RTN1: variants seen among roughly 807,000 people sequenced by gnomAD.
RTN1 encodes the protein reticulon 1, also known as reticulon-1.
RTN1 carries 25 observed loss-of-function variants against 65.5 expected under a neutral mutation model. The ratio of observed to expected loss-of-function variants is 0.38; its 90% confidence interval spans 0.28 to 0.53. The LOEUF (loss-of-function observed/expected upper bound fraction) is 0.53, where lower values mean the gene tolerates loss of function less well. Among genes scored for constraint, RTN1 ranks in the 20% least tolerant of loss-of-function variants. The probability of loss-of-function intolerance (pLI) is 0.79; values close to 1 mark genes in which losing one functional copy is unlikely to be tolerated. For missense variants in RTN1, 983 were observed against 1,025.4 expected, an observed-to-expected ratio of 0.96 and a Z score of 0.57; for synonymous variants, 471 against 447.6, an observed-to-expected ratio of 1.05 and a Z score of -0.66.
intron 1 of RTN1, among the ~76,000 whole-genome samples, chr14:59,820,356 G>GTTTTTTTTTTTT (rs34274539): frequency 1.5e-4 from 12 of 79,326 alleles, no homozygotes; most frequent in East Asian, 4.6e-4. Flanking sequence ...CTTATTGATA[G>GTTTTTTTTTTTT]TTTTTTTTTT....
At chr14:59,759,624 G>T (rs1885708082) in intron 1 of RTN1, among the ~76,000 whole-genome samples, 1 of 150,814 alleles carries the variant, frequency 6.6e-6, no homozygotes, top group Non-Finnish European at 1.5e-5. Flanking sequence ...CAAATAATTA[G>T]AAAACAATAC....
Position 59,816,522 on chromosome 14 carries a change from A to G in RTN1, c.241+53868T>C, listed in dbSNP as rs1435677228. ...AGGAGGCTTAATAAATATTTATTGC[A>G]CATAGAAATGAGTTTTGAGATGGAG... On this transcript the variant is annotated intron_variant, in intron 1 of 8. Transcript: ENST00000267484. This position sits in a 1 kb window ranked among gnomAD's most constrained non-coding sequence, Gnocchi z 4.3. 6.6e-6 allele frequency among the ~76,000 whole-genome samples: 1 copy of G among 152,222 alleles called. No individual in the cohort carries two copies. Among genetic ancestry groups the G allele is most frequent in the Non-Finnish European group, 1.5e-5 (1 of 68,036 alleles).
chr14:59,673,372 C>T (rs563229613), intron 3 of RTN1, among the ~76,000 whole-genome samples: 19 of 152,258 alleles, frequency 1.2e-4, no homozygotes, highest in South Asian at 2.1e-4. Flanking sequence ...TAGGCAAATG[C>T]GGGTGTGTTA....
chr14:59,803,789 G>T lies in RTN1; in HGVS notation c.242-57308C>A, dbSNP rs992178959. On this transcript the variant is annotated intron_variant, in intron 1 of 8. Transcript: ENST00000267484. The surrounding 1 kb of genome is among the most constrained non-coding windows in gnomAD (Gnocchi z 5.6). Reference sequence around the variant, plus strand: ...AAATGAGGCAGTATGCAGGTAGGTGGTTTAGGCCTCTCAACTTGAAGATTC... The same window carrying T: ...AAATGAGGCAGTATGCAGGTAGGTGTTTTAGGCCTCTCAACTTGAAGATTC... 6.6e-6 allele frequency among the ~76,000 whole-genome samples: 1 copy of T among 152,190 alleles called. No individual in the cohort carries two copies. Among genetic ancestry groups the T allele is most frequent in the Non-Finnish European group, 1.5e-5 (1 of 68,034 alleles).
At chr14:59,859,819 G>A (rs1264804754) in intron 1 of RTN1, among the ~76,000 whole-genome samples, 2 of 152,160 alleles carry the variant, frequency 1.3e-5, no homozygotes, top group Non-Finnish European at 2.9e-5. Context: ...GCAAAGAGAC[G>A]GCAACATTTT....
At chr14:59,715,825 CAA>C (rs76299030) in intron 3 of RTN1, among the ~76,000 whole-genome samples, 17 of 88,374 alleles carry the variant, frequency 1.9e-4, no homozygotes, top group Middle Eastern at 8.6e-3. Flanking sequence ...GACTCCATCT[CAA>C]AAAAAAAAAA....
At chr14:59,854,108 C>A (rs926039962) in intron 1 of RTN1, among the ~76,000 whole-genome samples, 2 of 151,932 alleles carry the variant, frequency 1.3e-5, no homozygotes, top group Non-Finnish European at 1.5e-5. Context: ...GATCCGCCCA[C>A]CTCGGCCTCC....
rs1413368597 is a variant in RTN1, at chr14:59,868,341, T to C, written c.241+2049A>G. On this transcript the variant is annotated intron_variant, in intron 1 of 8. Coordinates refer to ENST00000267484, the MANE Select transcript of RTN1 (RefSeq NM_021136.3). This position sits in a 1 kb window ranked among gnomAD's most constrained non-coding sequence, Gnocchi z 4.0. ...AAATATGTGCTCCTTCCATCTTTCT[T>C]CATTCTTCTCCCATCCAAACGTAGT... Among the ~76,000 whole-genome samples, 3 of 152,230 alleles carry C rather than the reference T, an allele frequency of 2.0e-5. No homozygotes were observed. Among genetic ancestry groups the C allele is most frequent in the Non-Finnish European group, 4.4e-5 (3 of 68,036 alleles).
intron 3 of RTN1, among the ~76,000 whole-genome samples, chr14:59,611,453 G>A (rs1394440353): frequency 6.6e-6 from 1 of 152,162 alleles, no homozygotes; most frequent in African/African-American, 2.4e-5. Flanking sequence ...GTAGCCCCAT[G>A]GTGGGGTGTC....
At chr14:59,734,984 A>G (rs1884975106) in intron 2 of RTN1, among the ~76,000 whole-genome samples, 2 of 152,158 alleles carry the variant, frequency 1.3e-5, no homozygotes, top group African/African-American at 2.4e-5. Flanking sequence ...GGGCAGCCAC[A>G]GAGAAAGACC....
At chr14:59,867,527 A>C (rs1363244867) in intron 1 of RTN1, among the ~76,000 whole-genome samples, 2 of 152,204 alleles carry the variant, frequency 1.3e-5, no homozygotes, top group East Asian at 3.8e-4. Flanking sequence ...AAAATAGAGG[A>C]TTGATGGAGT....
At chr14:59,703,395 G>A (rs1884221750) in intron 3 of RTN1, among the ~76,000 whole-genome samples, 1 of 152,048 alleles carries the variant, frequency 6.6e-6, no homozygotes, top group African/African-American at 2.4e-5. Context: ...AGATCTGATT[G>A]TTTAAAAGAG....
chr14:59,672,442 T>C (rs116721842), intron 3 of RTN1, among the ~76,000 whole-genome samples: 1 of 152,110 alleles, frequency 6.6e-6, no homozygotes, highest in Non-Finnish European at 1.5e-5. Flanking sequence ...GCTTTTACTA[T>C]GGTGCTTCGA....
At chr14:59,863,152 G>A (rs1244273420) in intron 1 of RTN1, among the ~76,000 whole-genome samples, 2 of 151,854 alleles carry the variant, frequency 1.3e-5, no homozygotes, top group South Asian at 2.1e-4. Context: ...ATCTTTCCCT[G>A]ACTACTGCAT....
Position 59,870,579 on chromosome 14 carries a change from C to T in RTN1, c.52G>A (p.Gly18Arg), listed in dbSNP as rs1887884188. 3 of 1,448,986 alleles carry T rather than the reference C, an allele frequency of 2.1e-6. No homozygotes were observed. Among genetic ancestry groups the T allele is most frequent in the Non-Finnish European group, 2.7e-6 (3 of 1,105,682 alleles). The allele number at this position is 1,448,986 out of a possible 1,614,324, so 89.8% of individuals were successfully genotyped here. A position where few individuals can be genotyped will look rare whatever the true frequency, so the allele number is the denominator to read the frequency against. ...QDELLPLAGP[G>R]SQWLRHRGEG... ...CCCCGGTGCCTGAGCCACTGGGACCCGGGGCCGGCCAGCGGCAGCAGCTCG... is the reference window on the plus strand; with the variant it reads ...CCCCGGTGCCTGAGCCACTGGGACCTGGGGCCGGCCAGCGGCAGCAGCTCG... Residue 18 changes from glycine (G) to arginine (R), a missense_variant, in exon 1 of 9, where the codon GGG becomes AGG. This residue lies in a region of RTN1 where 818 missense variants were observed against 801.8 expected (regional missense o/e 1.02). Coordinates refer to ENST00000267484, the MANE Select transcript of RTN1 (RefSeq NM_021136.3). The surrounding 1 kb of genome is among the most constrained non-coding windows in gnomAD (Gnocchi z 5.1).
At chr14:59,602,346 A>G (rs987681507) in intron 8 of RTN1, among the ~76,000 whole-genome samples, 5 of 152,146 alleles carry the variant, frequency 3.3e-5, no homozygotes, top group African/African-American at 4.8e-5. Flanking sequence ...AAAACAAAAT[A>G]TTGAATAATA....
intron 1 of RTN1, among the ~76,000 whole-genome samples, chr14:59,822,882 T>G (rs1375340424): frequency 1.3e-5 from 2 of 151,938 alleles, no homozygotes; most frequent in African/African-American, 2.4e-5. Flanking sequence ...AATTTGGGTT[T>G]TTTTTTTTTT....
chr14:59,804,109 T>G (rs1218135563), intron 1 of RTN1, among the ~76,000 whole-genome samples: 1 of 152,180 alleles, frequency 6.6e-6, no homozygotes, highest in Non-Finnish European at 1.5e-5. Flanking sequence ...TCTTCCAGGA[T>G]CCCATCCAGG....
At chr14:59,673,972 T>C (rs2140216877) in intron 3 of RTN1, among the ~76,000 whole-genome samples, 1 of 152,320 alleles carries the variant, frequency 6.6e-6, no homozygotes, top group Non-Finnish European at 1.5e-5. Context: ...TTACTTGTAT[T>C]CATGGTATTT....
Sources: gnomAD v4.1 joint callset for allele counts (sites outside exome capture counted in the v4.1 genomes callset) on GRCh38, gnomAD v4.1.1 for gene constraint, gnomAD v4.1.1 regional missense constraint, Gnocchi (gnomAD v3.1) non-coding constraint, MANE v1.5 for transcripts, NCBI Gene and HGNC (gene_info 2026-07-23, HGNC 2026-07-21) for gene names.